Variants in ADCY1 observed in about 807,000 individuals in gnomAD.
ADCY1 encodes the protein adenylate cyclase type 1.
A neutral mutation model predicts 105.4 loss-of-function variants in ADCY1; 28 were observed. The observed-to-expected ratio is 0.27, with a 90% confidence interval of 0.20 to 0.36. The LOEUF (loss-of-function observed/expected upper bound fraction) is 0.36, where lower values mean the gene tolerates loss of function less well. ADCY1 is among the 10% of genes least tolerant of loss of function. The probability of loss-of-function intolerance (pLI) is 1.00; values close to 1 mark genes in which losing one functional copy is unlikely to be tolerated. For missense variants in ADCY1, 977 were observed against 1,434.2 expected, an observed-to-expected ratio of 0.68 and a Z score of 5.15; for synonymous variants, 655 against 623.8, an observed-to-expected ratio of 1.05 and a Z score of -0.75.
At chr7:45,630,314 A>G (rs1415294379) in intron 4 of ADCY1, among the ~76,000 whole-genome samples, 1 of 152,090 alleles carries the variant, frequency 6.6e-6, no homozygotes, top group East Asian at 1.9e-4. Flanking sequence ...TTTGTGTTGT[A>G]TTTAAAAAGT....
chr7:45,575,249 C>G lies in ADCY1; in HGVS notation c.639+67C>G, dbSNP rs529625280. ...TTGCTGGGACGATGCTGGGAATGCCCGGAGTCGGGCGCGCTTTTTCCTATG... is the reference window on the plus strand; with the variant it reads ...TTGCTGGGACGATGCTGGGAATGCCGGGAGTCGGGCGCGCTTTTTCCTATG... On this transcript the variant is annotated intron_variant, in intron 1 of 19. Transcript: ENST00000297323. The surrounding 1 kb of genome is among the most constrained non-coding windows in gnomAD (Gnocchi z 4.7). The G allele has an allele frequency of 5.3e-6, 8 of 1,500,850 alleles. No individual in the cohort carries two copies. The highest frequency in any genetic ancestry group is 2.5e-4 in the Middle Eastern group (1 of 3,996). 93.0% of individuals were successfully genotyped at this position (1,500,850 alleles called of 1,614,324 possible).
In ADCY1 at chr7:45,708,557, T is replaced by A; in HGVS notation, c.2932+93T>A. On this transcript the variant is annotated intron_variant, in intron 18 of 19. Transcript: ENST00000297323. The surrounding 1 kb of genome is among the most constrained non-coding windows in gnomAD (Gnocchi z 4.7). ...ATCAGCTGATGAGGTACCCTGGTCTTACAGGAAGGAGGGTGGTGCCACCCA... is the reference window on the plus strand; with the variant it reads ...ATCAGCTGATGAGGTACCCTGGTCTAACAGGAAGGAGGGTGGTGCCACCCA... 1 of 976,588 alleles carries A rather than the reference T, an allele frequency of 1.0e-6. No individual in the cohort carries two copies. Among genetic ancestry groups the A allele is most frequent in the Admixed American group, 2.0e-5 (1 of 49,986 alleles). The allele number at this position is 976,588 out of a possible 1,614,324, so 60.5% of individuals were successfully genotyped here. A position where few individuals can be genotyped will look rare whatever the true frequency, so the allele number is the denominator to read the frequency against.
At chr7:45,704,428 C>T (rs1007279177) in intron 16 of ADCY1, 90 bp from the exon 17 acceptor site, 69 of 1,071,050 alleles carry the variant, frequency 6.4e-5, no homozygotes, top group African/African-American at 2.5e-4. Context: ...ATGTGTCCAT[C>T]GGCTCTGCTG....
chr7:45,645,474 C>T lies in ADCY1; in HGVS notation c.1021-3196C>T, dbSNP rs574540601. Reference sequence around the variant, plus strand: ...TTTGGAGCAGCTGTACTGACAGGCCCCACCTTTGCCTTTTACCCTGGAGGC... The same window carrying T: ...TTTGGAGCAGCTGTACTGACAGGCCTCACCTTTGCCTTTTACCCTGGAGGC... On this transcript the variant is annotated intron_variant, in intron 4 of 19. Coordinates refer to ENST00000297323, the MANE Select transcript of ADCY1 (RefSeq NM_021116.4). Among the ~76,000 whole-genome samples the T allele has an allele frequency of 5.9e-5, 9 of 152,196 alleles. No individual in the cohort carries two copies. In the South Asian group the frequency reaches 1.0e-3, roughly 18 times the overall value.
chr7:45,706,864 G>GA lies in ADCY1; in HGVS notation c.2818-1477dup, dbSNP rs200621056. On this transcript the variant is annotated intron_variant, in intron 17 of 19. Coordinates refer to ENST00000297323, the MANE Select transcript of ADCY1 (RefSeq NM_021116.4). ...AGAGCCATTACAATTCAACAAGGGA[G>GA]AAAAAAAAACCCCAGTTAAAAAGTG... Among the ~76,000 whole-genome samples, 671 of 151,064 alleles carry GA rather than the reference G, an allele frequency of 4.4e-3. 4 individuals carry two copies. Among genetic ancestry groups the GA allele is most frequent in the African/African-American group, 0.014 (594 of 41,178 alleles).
chr7:45,602,621 T>G lies in ADCY1; in HGVS notation c.790-7758T>G, dbSNP rs185722593. 2.3e-3 allele frequency among the ~76,000 whole-genome samples: 350 copies of G among 152,314 alleles called. 1 individual carries two copies. The highest frequency in any genetic ancestry group is 8.0e-3 in the African/African-American group (333 of 41,568). ...TTCCATTTAAGTGATGCAGTATGGA[T>G]TTTTAAATGGGGCTGGCCAATGGAC... On this transcript the variant is annotated intron_variant, in intron 2 of 19. Transcript: ENST00000297323.
intron 14 of ADCY1, among the ~76,000 whole-genome samples, chr7:45,702,061 C>G (rs1268957586): frequency 6.6e-6 from 1 of 152,256 alleles, no homozygotes; most frequent in African/African-American, 2.4e-5. Context: ...ACACACACCC[C>G]CATCCTCGTA....
chr7:45,615,188 GA>G (rs1183821588), intron 3 of ADCY1, among the ~76,000 whole-genome samples: 2 of 152,218 alleles, frequency 1.3e-5, no homozygotes, highest in East Asian at 3.8e-4. Flanking sequence ...ATCACAGAGG[GA>G]TGAAATTAGA....
chr7:45,594,721 T>G (rs1793022910), intron 2 of ADCY1, among the ~76,000 whole-genome samples: 1 of 152,158 alleles, frequency 6.6e-6, no homozygotes, highest in Non-Finnish European at 1.5e-5. Flanking sequence ...TCCTCAGCCC[T>G]ATGGAGGAGG....
rs78866203 is a variant in ADCY1 at position 45,619,348 on chromosome 7, G to A, written c.909-3284G>A. ...ATAATTTATTGCAATTTTCAAGTAC[G>A]TAGAAGAGACGATATTTGAATGTTA... On this transcript the variant is annotated intron_variant, in intron 3 of 19. Coordinates refer to ENST00000297323, the MANE Select transcript of ADCY1 (RefSeq NM_021116.4). Among the ~76,000 whole-genome samples, 942 of 152,154 alleles carry A rather than the reference G, an allele frequency of 6.2e-3. 9 individuals carry two copies. Among genetic ancestry groups the A allele is most frequent in the African/African-American group, 0.021 (892 of 41,524 alleles).
chr7:45,640,463 T>G (rs1205257665), intron 4 of ADCY1, among the ~76,000 whole-genome samples: 1 of 152,200 alleles, frequency 6.6e-6, no homozygotes, highest in African/African-American at 2.4e-5. Flanking sequence ...ATAGGACTCC[T>G]AGGTAGAGTC....
chr7:45,701,362 T>A (rs1722740601), intron 14 of ADCY1, among the ~76,000 whole-genome samples: 1 of 152,158 alleles, frequency 6.6e-6, no homozygotes. Context: ...ACAGCAGCTC[T>A]GATAGCCCAT....
At chr7:45,625,629 A>G (rs1222689063) in intron 4 of ADCY1, among the ~76,000 whole-genome samples, 5 of 152,096 alleles carry the variant, frequency 3.3e-5, no homozygotes, top group Non-Finnish European at 7.4e-5. Flanking sequence ...ACACGTGTGT[A>G]CATGTGTGTA....
At chr7:45,668,372 A>T (rs1784303496) in intron 8 of ADCY1, among the ~76,000 whole-genome samples, 1 of 152,234 alleles carries the variant, frequency 6.6e-6, no homozygotes, top group East Asian at 1.9e-4. Flanking sequence ...CCTTTTCTGC[A>T]TCTATTGAGA....
At chr7:45,691,607 G>T (rs1050686164) in intron 14 of ADCY1, among the ~76,000 whole-genome samples, 1 of 152,170 alleles carries the variant, frequency 6.6e-6, no homozygotes, top group Admixed American at 6.5e-5. Flanking sequence ...TTTTGTTCCA[G>T]TGTCATTTCT....
Position 45,622,750 on chromosome 7 carries a change from G to C in ADCY1, c.1020+7G>C. 6.2e-7 allele frequency: 1 copy of C among 1,606,824 alleles called. No individual in the cohort carries two copies. The highest frequency in any genetic ancestry group is 8.5e-7 in the Non-Finnish European group (1 of 1,175,994). ...GTTCGATGAATTAGCCACGGTAAGT[G>C]CAGCGTTTTTCTTTGTTCGAATTAA... is the stretch of plus-strand genomic sequence containing the variant. On this transcript the variant is annotated splice_region_variant and intron_variant, in intron 4 of 19. Transcript: ENST00000297323.
At chr7:45,680,112 A>T (rs1784527741) in intron 11 of ADCY1, among the ~76,000 whole-genome samples, 1 of 152,248 alleles carries the variant, frequency 6.6e-6, no homozygotes, top group African/African-American at 2.4e-5. Context: ...CCAGTTCTGC[A>T]CTGGGCACAT....
chr7:45,697,666 A>G (rs1397960920), intron 14 of ADCY1, among the ~76,000 whole-genome samples: 2 of 152,344 alleles, frequency 1.3e-5, no homozygotes, highest in Non-Finnish European at 2.9e-5. Context: ...CTGGGATTAC[A>G]GGCGTAAGCC....
chr7:45,592,145 C>T (rs1406259624), intron 1 of ADCY1, among the ~76,000 whole-genome samples: 1 of 150,092 alleles, frequency 6.7e-6, no homozygotes, highest in African/African-American at 2.5e-5. Flanking sequence ...CATATGTATT[C>T]TCCAGGGGTC....
Sources: allele counts gnomAD v4.1 joint callset (sites outside exome capture counted in the v4.1 genomes callset), GRCh38; gene constraint gnomAD v4.1.1; non-coding constraint Gnocchi (gnomAD v3.1); transcripts MANE v1.5; gene names NCBI Gene and HGNC (gene_info 2026-07-23, HGNC 2026-07-21).